Variants in NCKAP5 observed in about 807,000 individuals in gnomAD.
The protein encoded by NCKAP5 is nck-associated protein 5.
Under a neutral mutation model 167.0 loss-of-function variants are expected in NCKAP5, and 92 were observed. The ratio of observed to expected loss-of-function variants is 0.55; its 90% CI spans 0.47 to 0.66. The LOEUF (loss-of-function observed/expected upper bound fraction) is 0.66, where lower values mean the gene tolerates loss of function less well. Among genes scored for constraint, NCKAP5 ranks in the 30% least tolerant of loss-of-function variants. NCKAP5 has a pLI of 0.00. For synonymous variants in NCKAP5, 891 were observed against 877.4 expected (o/e 1.02, Z -0.27); for missense variants, 2,378 against 2,315.0 (o/e 1.03, Z -0.56).
intron 3 of NCKAP5, among the ~76,000 whole-genome samples, chr2:133,507,250 G>C (rs1835816): frequency 0.55 from 83,700 of 152,034 alleles, 23,878 homozygotes; most frequent in East Asian, 0.86. Context: ...CACAGAAAGG[G>C]CAACAGCCCT....
intron 19 of NCKAP5, among the ~76,000 whole-genome samples, chr2:132,712,849 A>C (rs568325408): frequency 6.6e-6 from 1 of 152,280 alleles, no homozygotes; most frequent in Admixed American, 6.5e-5. Flanking sequence ...GGGTGAAACC[A>C]AGGTGTTATG....
chr2:132,745,595 G>A (rs1261889689), intron 16 of NCKAP5, among the ~76,000 whole-genome samples: 1 of 151,848 alleles, frequency 6.6e-6, no homozygotes, highest in Non-Finnish European at 1.5e-5. Context: ...GGAGGTTATA[G>A]CCAGTGCAAC....
chr2:132,887,954 G>A (rs13420567), intron 8 of NCKAP5, among the ~76,000 whole-genome samples: 48,089 of 152,058 alleles, frequency 0.32, 7,892 homozygotes, highest in Non-Finnish European at 0.36. Context: ...TCCTGCATTT[G>A]CTAGTTTGAA....
intron 5 of NCKAP5, among the ~76,000 whole-genome samples, chr2:133,191,368 T>G (rs1224438739): frequency 6.6e-6 from 1 of 152,152 alleles, no homozygotes; most frequent in East Asian, 1.9e-4. Context: ...AGTGTGGCGA[T>G]CCCTCAAGGA....
At chr2:132,746,448 C>A (rs180985054) in intron 16 of NCKAP5, among the ~76,000 whole-genome samples, 1 of 151,938 alleles carries the variant, frequency 6.6e-6, no homozygotes, top group Non-Finnish European at 1.5e-5. Flanking sequence ...AAGAAAATAT[C>A]GGAGTATCTC....
chr2:132,785,534 T>G lies in NCKAP5; in HGVS notation c.1277A>C (p.Tyr426Ser). ...EPPSVITKWG[Y>S]KDCMNSNEGI... ...TTCATTCGAGTTCATGCAATCTTTA[T>G]AACCCCATTTGGTTATCACTGATGG... Residue 426 changes from tyrosine to serine, a missense_variant, in exon 14 of 20, where the codon TAT (tyrosine) becomes TCT (serine). By Grantham distance (144) the Tyr-to-Ser change is moderately radical. Coordinates refer to ENST00000409261, the MANE Select transcript of NCKAP5 (RefSeq NM_207363.3). 1 of 1,608,518 alleles carries G rather than the reference T, an allele frequency of 6.2e-7. No individual in the cohort carries two copies. Among genetic ancestry groups the G allele is most frequent in the Non-Finnish European group, 8.5e-7 (1 of 1,177,028 alleles).
chr2:133,278,135 G>T (rs1461295199), intron 4 of NCKAP5, among the ~76,000 whole-genome samples: 2 of 152,170 alleles, frequency 1.3e-5, no homozygotes, highest in African/African-American at 4.8e-5. Context: ...TAGTAAATTT[G>T]ACTATGTAAA....
At chr2:133,101,056 A>G (rs1440110554) in intron 6 of NCKAP5, among the ~76,000 whole-genome samples, 8 of 151,842 alleles carry the variant, frequency 5.3e-5, no homozygotes, top group African/African-American at 1.9e-4. Flanking sequence ...TAAACCTTTA[A>G]TCCATCTTGA....
chr2:133,504,442 T>C (rs749697448), intron 3 of NCKAP5, among the ~76,000 whole-genome samples: 1 of 110,890 alleles, frequency 9.0e-6, no homozygotes, highest in Non-Finnish European at 1.9e-5. Flanking sequence ...ATTCAGCACA[T>C]GCATTTAAGG....
intron 11 of NCKAP5, among the ~76,000 whole-genome samples, chr2:132,856,958 T>C (rs1395543626): frequency 6.6e-6 from 1 of 152,184 alleles, no homozygotes; most frequent in Admixed American, 6.5e-5. Flanking sequence ...ACTTAGCCTG[T>C]CTATGCCAAA....
At chr2:133,644,279 C>T in the NCKAP5 span, among the ~76,000 whole-genome samples, 1 of 152,184 alleles carries the variant, frequency 6.6e-6, no homozygotes, top group Admixed American at 6.5e-5. Context: ...GAGTGTCTCT[C>T]AGCTGGGACA....
chr2:133,106,185 C>T (rs28613517), intron 6 of NCKAP5, among the ~76,000 whole-genome samples: 6,384 of 141,750 alleles, frequency 0.045, 402 homozygotes, highest in African/African-American at 0.11. Flanking sequence ...CCCAGCTACT[C>T]GGGAGGCTGA....
chr2:132,848,839 GATACA>G (rs1688869767), intron 11 of NCKAP5, among the ~76,000 whole-genome samples: 1 of 151,968 alleles, frequency 6.6e-6, no homozygotes, highest in South Asian at 2.1e-4. Context: ...GTCTCCAAAA[GATACA>G]ATAAAATAAA....
chr2:132,920,756 T>G (rs1319275059), intron 8 of NCKAP5, among the ~76,000 whole-genome samples: 1 of 83,042 alleles, frequency 1.2e-5, no homozygotes, highest in Non-Finnish European at 2.1e-5. Flanking sequence ...TATATATATA[T>G]GTATATATAT....
chr2:133,469,011 T>G (rs1692829627), intron 3 of NCKAP5, among the ~76,000 whole-genome samples: 1 of 152,130 alleles, frequency 6.6e-6, no homozygotes, highest in African/African-American at 2.4e-5. Flanking sequence ...TCCATTTACA[T>G]TTAAAGTTAA....
intron 19 of NCKAP5, among the ~76,000 whole-genome samples, chr2:132,704,197 CT>C (rs937038702): frequency 6.6e-6 from 1 of 152,096 alleles, no homozygotes; most frequent in African/African-American, 2.4e-5. Flanking sequence ...CAAGTGGTGG[CT>C]TTTTTCTTTT....
At chr2:133,038,036 A>T (rs945065664) in intron 6 of NCKAP5, among the ~76,000 whole-genome samples, 1 of 152,194 alleles carries the variant, frequency 6.6e-6, no homozygotes, top group African/African-American at 2.4e-5. Context: ...AATTAGTACA[A>T]CCACTAAGGA....
intron 3 of NCKAP5, among the ~76,000 whole-genome samples, chr2:133,405,736 T>C (rs1688385011): frequency 1.3e-5 from 2 of 152,250 alleles, no homozygotes; most frequent in South Asian, 2.1e-4. Context: ...CCAGCTATAC[T>C]GGCCTCTATG....
chr2:133,142,897 T>C (rs1345464464), intron 5 of NCKAP5, among the ~76,000 whole-genome samples: 13 of 152,164 alleles, frequency 8.5e-5, no homozygotes, highest in Non-Finnish European at 2.9e-5. Flanking sequence ...GTTAGATTTA[T>C]ATGTAAAACT....
Sources: gnomAD v4.1 joint callset for allele counts (sites outside exome capture counted in the v4.1 genomes callset) on GRCh38, gnomAD v4.1.1 for gene constraint, MANE v1.5 for transcripts, NCBI Gene and HGNC (gene_info 2026-07-23, HGNC 2026-07-21) for gene names.